Variants in SLIT1 observed in about 807,000 individuals in gnomAD.
SLIT1 encodes the protein slit guidance ligand 1.
SLIT1 carries 66 observed loss-of-function variants against 186.1 expected under a neutral mutation model. The observed-to-expected ratio is 0.35, with a 90% CI of 0.29 to 0.44. SLIT1 has a LOEUF of 0.44. SLIT1 is among the 20% of genes least tolerant of loss of function. The pLI is 1.00. For missense variants in SLIT1, 1,638 were observed against 2,037.4 expected, an observed-to-expected ratio of 0.80 and a Z score of 3.77; for synonymous variants, 761 against 833.8, an observed-to-expected ratio of 0.91 and a Z score of 1.50.
intron 4 of SLIT1, among the ~76,000 whole-genome samples, chr10:97,104,702 C>T (rs780261142): frequency 6.6e-6 from 1 of 152,118 alleles, no homozygotes; most frequent in Non-Finnish European, 1.5e-5. Context: ...ATCCACACAT[C>T]TTCCCTCGTC....
rs573899095 is a variant in SLIT1, at chr10:97,043,315, G to C, written c.1997+55C>G. ...CTCTTTCAAAGTGGCTGGCCGAGAC[G>C]GTTGGGACGGTTGCTCCAGAGCCCC... is the stretch of plus-strand genomic sequence containing the variant. On this transcript the variant is annotated intron_variant, in intron 19 of 36. Transcript: ENST00000266058. The surrounding 1 kb of genome is among the most constrained non-coding windows in gnomAD (Gnocchi z 7.0). 4 of 1,606,770 alleles carry C rather than the reference G, an allele frequency of 2.5e-6. No homozygotes were observed. The highest frequency in any genetic ancestry group is 3.4e-6 in the Non-Finnish European group (4 of 1,175,424).
intron 4 of SLIT1, among the ~76,000 whole-genome samples, chr10:97,099,426 T>C (rs1849327352): frequency 6.8e-6 from 1 of 147,534 alleles, no homozygotes; most frequent in South Asian, 2.3e-4. Context: ...AAGTCAAAAT[T>C]GCACAAAGAG....
At chr10:97,040,827 G>C (rs1848684170) in intron 20 of SLIT1, among the ~76,000 whole-genome samples, 1 of 152,200 alleles carries the variant, frequency 6.6e-6, no homozygotes, top group Non-Finnish European at 1.5e-5. Context: ...TTGGGTGTCA[G>C]AGAGATGATA....
intron 4 of SLIT1, among the ~76,000 whole-genome samples, chr10:97,132,467 T>G (rs993936840): frequency 2.0e-5 from 3 of 152,160 alleles, no homozygotes; most frequent in Admixed American, 6.5e-5. Flanking sequence ...ATGCAACAGG[T>G]GCCTGTCCAC....
intron 4 of SLIT1, among the ~76,000 whole-genome samples, chr10:97,093,728 G>A (rs569411091): frequency 6.6e-6 from 1 of 152,322 alleles, no homozygotes; most frequent in South Asian, 2.1e-4. Flanking sequence ...CTTATGTAGA[G>A]CCAAACCCAA....
chr10:97,056,250 C>G (rs984931560), intron 13 of SLIT1, 71 bp downstream of exon 13: 28 of 1,541,648 alleles, frequency 1.8e-5, no homozygotes, highest in Non-Finnish European at 2.2e-5. Context: ...AGCTGCCTGT[C>G]CCTGGAGGCT....
intron 9 of SLIT1, 27 bp from the exon 10 acceptor site, chr10:97,060,185 C>T (rs1410660309): frequency 1.9e-6 from 3 of 1,598,626 alleles, no homozygotes; most frequent in Non-Finnish European, 2.6e-6. Flanking sequence ...GAGGGGAAGC[C>T]CAAGGGCCCA....
chr10:97,164,154 G>C (rs1234802651), intron 2 of SLIT1, among the ~76,000 whole-genome samples: 1 of 152,236 alleles, frequency 6.6e-6, no homozygotes, highest in East Asian at 1.9e-4. Context: ...TTCACCAACA[G>C]ATTGACTGTT....
At chr10:97,024,340 C>T (rs370794472) in intron 25 of SLIT1, among the ~76,000 whole-genome samples, 7 of 152,082 alleles carry the variant, frequency 4.6e-5, no homozygotes, top group East Asian at 1.9e-4. Flanking sequence ...CGTGCCTGGG[C>T]GACCTTGAGT....
In SLIT1 at chr10:97,004,943, C is replaced by G; in HGVS notation, c.3580-120G>C. On this transcript the variant is annotated intron_variant, in intron 32 of 36. Coordinates refer to ENST00000266058, the MANE Select transcript of SLIT1 (RefSeq NM_003061.3). The surrounding 1 kb of genome is among the most constrained non-coding windows in gnomAD (Gnocchi z 5.1). ...GAGATGCTCTGTGCAGAGCGCTCTTCCCCCACCTGGCCAGCCTCCCCAAGG... is the reference window on the plus strand; with the variant it reads ...GAGATGCTCTGTGCAGAGCGCTCTTGCCCCACCTGGCCAGCCTCCCCAAGG... 1 of 1,225,468 alleles carries G rather than the reference C, an allele frequency of 8.2e-7. No homozygotes were observed. Among genetic ancestry groups the G allele is most frequent in the Non-Finnish European group, 1.2e-6 (1 of 864,228 alleles). 75.9% of individuals were successfully genotyped at this position (1,225,468 alleles called of 1,614,324 possible). A position where few individuals can be genotyped will look rare whatever the true frequency, so the allele number is the denominator to read the frequency against.
intron 22 of SLIT1, 48 bp downstream of exon 22, chr10:97,037,650 G>A (rs1848652702): frequency 6.9e-7 from 1 of 1,447,628 alleles, no homozygotes; most frequent in African/African-American, 1.4e-5. Flanking sequence ...GAGTCCTGAT[G>A]GTTAGATGCC....
intron 4 of SLIT1, among the ~76,000 whole-genome samples, chr10:97,113,385 T>C (rs1849481838): frequency 6.6e-6 from 1 of 151,690 alleles, no homozygotes; most frequent in Non-Finnish European, 1.5e-5. Flanking sequence ...ATTACAGGCG[T>C]GTACCACCAC....
At position 96,998,361 on chromosome 10, in the gene SLIT1, G is replaced by C. The variant is rs1848266847; in HGVS notation, c.*2751C>G. Reference sequence around the variant, plus strand: ...CGGTTAGGCTACCAGCAGGCAAAGAGGAGACAAAGTCCAGCCTTTTCCACT... The same window carrying C: ...CGGTTAGGCTACCAGCAGGCAAAGACGAGACAAAGTCCAGCCTTTTCCACT... On this transcript the variant is annotated 3_prime_UTR_variant, in exon 37 of 37. Transcript: ENST00000266058. The C allele has an allele frequency of 6.6e-6, 1 of 152,244 alleles. No individual in the cohort carries two copies. The highest frequency in any genetic ancestry group is 6.5e-5 in the Admixed American group (1 of 15,290). 9.4% of individuals were successfully genotyped at this position (152,244 alleles called of 1,614,324 possible). A position where few individuals can be genotyped will look rare whatever the true frequency, so the allele number is the denominator to read the frequency against.
At chr10:97,145,243 A>C (rs1430830462) in intron 4 of SLIT1, among the ~76,000 whole-genome samples, 1 of 152,038 alleles carries the variant, frequency 6.6e-6, no homozygotes, top group Non-Finnish European at 1.5e-5. Context: ...TCAGCCTCCC[A>C]AGTAGCTAGG....
In SLIT1 at chr10:96,998,991, C is replaced by CTATCT. The variant is rs2134580897; in HGVS notation, c.*2116_*2120dup. On this transcript the variant is annotated 3_prime_UTR_variant, in exon 37 of 37. Transcript: ENST00000266058. ...TGGGGAATGGTGGTGGCCAGGAAAG[C>CTATCT]TATCTTTCTCAGGGTTGGTGAGTCC... 1 of 152,422 alleles carries CTATCT rather than the reference C, an allele frequency of 6.6e-6. No individual in the cohort carries two copies. Among genetic ancestry groups the CTATCT allele is most frequent in the Admixed American group, 6.5e-5 (1 of 15,302 alleles). The allele number at this position is 152,422 out of a possible 1,614,324, so 9.4% of individuals were successfully genotyped here.
In SLIT1 at chr10:97,184,741, C is replaced by T. The variant is rs578042310; in HGVS notation, c.197+737G>A. ...TATCTTTAACCTTGGGCCCCCCTCT[C>T]CAAGCTCCTGACTTCTTGGCATTAT... On this transcript the variant is annotated intron_variant, in intron 1 of 36. Coordinates refer to ENST00000266058, the MANE Select transcript of SLIT1 (RefSeq NM_003061.3). The surrounding 1 kb of genome is among the most constrained non-coding windows in gnomAD (Gnocchi z 4.4). Among the ~76,000 whole-genome samples the T allele has an allele frequency of 5.8e-4, 88 of 152,308 alleles. No homozygotes were observed. Among genetic ancestry groups the T allele is most frequent in the African/African-American group, 2.1e-3 (86 of 41,574 alleles).
At chr10:97,080,408 A>T (rs549228764) in intron 4 of SLIT1, among the ~76,000 whole-genome samples, 1 of 152,358 alleles carries the variant, frequency 6.6e-6, no homozygotes, top group African/African-American at 2.4e-5. Context: ...ACTCAGCCAC[A>T]CCTTCCAAGT....
At chr10:97,149,432 TCCC>T (rs1192584631) in intron 4 of SLIT1, among the ~76,000 whole-genome samples, 4 of 152,104 alleles carry the variant, frequency 2.6e-5, no homozygotes, top group Non-Finnish European at 5.9e-5. Context: ...CTTGGGGCCT[TCCC>T]TTACTTAGCA....
At position 97,046,996 on chromosome 10, in the gene SLIT1, C is replaced by T. The variant is rs61079464; in HGVS notation, c.1704G>A (p.Lys568=). 1.9e-6 allele frequency: 3 copies of T among 1,609,364 alleles called. No individual in the cohort carries two copies. The highest frequency in any genetic ancestry group is 2.2e-5 in the East Asian group (1 of 44,868). The change falls in exon 17 of 37, where the codon AAG becomes AAA. Residue 568 remains lysine (K), a synonymous_variant. Transcript: ENST00000266058. Reference sequence around the variant, plus strand: ...CTCGCCAATGGGTAACTCACATTTTCTTCAGATGTGTAAGTTTTTTAAACA... The same window carrying T: ...CTCGCCAATGGGTAACTCACATTTTTTTCAGATGTGTAAGTTTTTTAAACA... ...TGMFKKLTHL[K]KINLSNNKVS...
Sources: allele counts gnomAD v4.1 joint callset (sites outside exome capture counted in the v4.1 genomes callset), GRCh38; gene constraint gnomAD v4.1.1; non-coding constraint Gnocchi (gnomAD v3.1); transcripts MANE v1.5; gene names NCBI Gene and HGNC (gene_info 2026-07-23, HGNC 2026-07-21).